Variants in GDPD5 observed in about 807,000 individuals in gnomAD.
GDPD5 encodes the protein glycerophosphodiester phosphodiesterase domain containing 5, also known as glycerophosphodiester phosphodiesterase 2.
Under a neutral mutation model 75.1 loss-of-function variants are expected in GDPD5, and 48 were observed. That is an observed-to-expected ratio of 0.64 (90% CI 0.51 to 0.81). The LOEUF (loss-of-function observed/expected upper bound fraction) is 0.81, where lower values mean the gene tolerates loss of function less well. Ranked by LOEUF, GDPD5 falls within the 40% of genes least tolerant of loss-of-function variation. The pLI is 0.00. For synonymous variants in GDPD5, 336 were observed against 339.0 expected (o/e 0.99, Z 0.10); for missense variants, 706 against 822.6 (o/e 0.86, Z 1.73).
chr11:75,510,361 C>G (rs1240130778), intron 1 of GDPD5, among the ~76,000 whole-genome samples: 1 of 152,228 alleles, frequency 6.6e-6, no homozygotes, highest in African/African-American at 2.4e-5. Context: ...AGAGTCCAGC[C>G]AGTCCACAAA....
intron 1 of GDPD5, among the ~76,000 whole-genome samples, chr11:75,520,546 C>G (rs1288507587): frequency 2.6e-5 from 4 of 152,118 alleles, no homozygotes; most frequent in Non-Finnish European, 4.4e-5. Context: ...GCAGACCAAG[C>G]AGAACCCCAA....
At chr11:75,453,527 A>T (rs1475998737) in intron 6 of GDPD5, among the ~76,000 whole-genome samples, 1 of 151,872 alleles carries the variant, frequency 6.6e-6, no homozygotes, top group Non-Finnish European at 1.5e-5. Flanking sequence ...CTGAGGCAGG[A>T]GAATGGGGTG....
intron 1 of GDPD5, among the ~76,000 whole-genome samples, chr11:75,499,142 T>C (rs1384249184): frequency 6.6e-6 from 1 of 152,156 alleles, no homozygotes; most frequent in Non-Finnish European, 1.5e-5. Flanking sequence ...GTGCCATCAA[T>C]GCTTCCATTT....
Position 75,443,206 on chromosome 11 carries a change from G to A in GDPD5, c.878C>T (p.Ala293Val), listed in dbSNP as rs199987196. ...TNVEEEFPEL[A>V]RRPASMLNWT... Reference sequence around the variant, plus strand: ...GTTAAGCATGGAGGCAGGCCTGCGGGCCAGCTCCGGGAACTCCTCCTCCAC... The same window carrying A: ...GTTAAGCATGGAGGCAGGCCTGCGGACCAGCTCCGGGAACTCCTCCTCCAC... The change falls in exon 11 of 17, where the codon GCC becomes GTC. Residue 293 changes from alanine (A) to valine (V), a missense_variant. By Grantham distance (64) the Ala-to-Val change is moderately conservative. Coordinates refer to ENST00000336898, the MANE Select transcript of GDPD5 (RefSeq NM_030792.8). 6.6e-4 allele frequency: 1,061 copies of A among 1,605,124 alleles called. 1 individual carries two copies. The highest frequency in any genetic ancestry group is 8.6e-4 in the Non-Finnish European group (1,008 of 1,176,598).
chr11:75,519,443 T>C (rs974665004), intron 1 of GDPD5, among the ~76,000 whole-genome samples: 1 of 152,228 alleles, frequency 6.6e-6, no homozygotes, highest in Non-Finnish European at 1.5e-5. Context: ...ACGGAGCAGC[T>C]GCCCTTTGCC....
At chr11:75,492,031 C>T (rs1456297395) in intron 1 of GDPD5, among the ~76,000 whole-genome samples, 1 of 152,214 alleles carries the variant, frequency 6.6e-6, no homozygotes, top group Non-Finnish European at 1.5e-5. Context: ...CCTTCCACCA[C>T]ACCTTACTGC....
At chr11:75,491,024 C>T (rs139171695) in intron 1 of GDPD5, among the ~76,000 whole-genome samples, 165 of 152,316 alleles carry the variant, frequency 1.1e-3, no homozygotes, top group Non-Finnish European at 1.6e-3. Context: ...GGACGGAGGC[C>T]TACCTACATC....
chr11:75,483,838 G>C (rs1191761496), intron 2 of GDPD5, among the ~76,000 whole-genome samples: 2 of 152,204 alleles, frequency 1.3e-5, no homozygotes, highest in Non-Finnish European at 2.9e-5. Context: ...TGGGAGGATT[G>C]GGGAGGAAAG....
chr11:75,453,330 T>C (rs1949212133), intron 6 of GDPD5, among the ~76,000 whole-genome samples: 1 of 152,108 alleles, frequency 6.6e-6, no homozygotes, highest in Admixed American at 6.5e-5. Flanking sequence ...GATTAAAACA[T>C]ACTATAGGCC....
In GDPD5 at chr11:75,445,795, A is replaced by G. The variant is rs1163149125; in HGVS notation, c.715-1300T>C. ...CTTTGGAACGGACTAAAAAGGTGCA[A>G]TTTCACTTCCCAGACACAGAGCTGG... On this transcript the variant is annotated intron_variant, in intron 9 of 16. Transcript: ENST00000336898. 2.6e-5 allele frequency among the ~76,000 whole-genome samples: 4 copies of G among 152,148 alleles called. No individual in the cohort carries two copies. In the East Asian group the frequency reaches 7.7e-4, roughly 29 times the overall value.
intron 1 of GDPD5, among the ~76,000 whole-genome samples, chr11:75,506,314 G>T (rs1950398380): frequency 6.6e-6 from 1 of 152,170 alleles, no homozygotes; most frequent in Non-Finnish European, 1.5e-5. Context: ...CAGGGAGGAA[G>T]AAGGAGGAGG....
intron 1 of GDPD5, among the ~76,000 whole-genome samples, chr11:75,493,347 T>G (rs1240729300): frequency 6.7e-6 from 1 of 149,916 alleles, no homozygotes; most frequent in Non-Finnish European, 1.5e-5. Flanking sequence ...TCCTAACACC[T>G]CTAAGGCCCT....
intron 6 of GDPD5, chr11:75,455,476 GGCCTCGGT>G (rs1949266040): frequency 7.2e-6 from 3 of 416,618 alleles, no homozygotes; most frequent in South Asian, 3.4e-5. Context: ...GTAACAAACC[GGCCTCGGT>G]GCCTCCCTGG....
chr11:75,496,358 G>A (rs543581792), intron 1 of GDPD5, among the ~76,000 whole-genome samples: 3 of 152,356 alleles, frequency 2.0e-5, no homozygotes, highest in East Asian at 1.9e-4. Context: ...TAGAGAGCAG[G>A]AAGCAAGTTG....
intron 6 of GDPD5, chr11:75,450,933 A>G (rs918254376): frequency 6.6e-6 from 1 of 152,064 alleles, no homozygotes; most frequent in African/African-American, 2.4e-5. Flanking sequence ...CTCGTCTCCC[A>G]TCTCCCTCCA....
At position 75,449,538 on chromosome 11, in the gene GDPD5, A is replaced by T; in HGVS notation, c.547T>A (p.Phe183Ile). The T allele has an allele frequency of 1.3e-6, 2 of 1,581,436 alleles. No individual in the cohort carries two copies. Among genetic ancestry groups the T allele is most frequent in the Non-Finnish European group, 8.6e-7 (1 of 1,164,288 alleles). Residue 183 changes from phenylalanine (F) to isoleucine (I), a missense_variant, in exon 8 of 17, where the codon TTC becomes ATC. Physicochemically the swap from Phe to Ile is conservative, Grantham distance 21 (BLOSUM62 0). Transcript: ENST00000336898. Reference sequence around the variant, plus strand: ...TCACAGGTCCGCTCTGCGCGGGCGAACTGTCCTGCCACGATCCAGGAGAGC... The same window carrying T: ...TCACAGGTCCGCTCTGCGCGGGCGATCTGTCCTGCCACGATCCAGGAGAGC... ...TMLSWIVAGQ[F>I]ARAERTSSQV...
rs374805727 is a variant in GDPD5 at position 75,477,757 on chromosome 11, G to C, written c.-22C>G. 6.6e-7 allele frequency: 1 copy of C among 1,518,380 alleles called. No individual in the cohort carries two copies. The allele number at this position is 1,518,380 out of a possible 1,614,324, so 94.1% of individuals were successfully genotyped here. ...CCATACTCGTGCCCACGGCCCTGGC[G>C]CCTGGCCCTCAGGCGCCCATGGAGG... On this transcript the variant is annotated 5_prime_UTR_variant, in exon 3 of 17. Transcript: ENST00000336898.
chr11:75,435,253 GC>G lies in GDPD5; in HGVS notation c.*253del, dbSNP rs1948594920. On this transcript the variant is annotated 3_prime_UTR_variant, in exon 17 of 17. Coordinates refer to ENST00000336898, the MANE Select transcript of GDPD5 (RefSeq NM_030792.8). The stretch of plus-strand genomic sequence containing the variant: ...GAGGGCCTCAGAAGAGGGGGACCAA[GC>G]CCTAGGCCCCATACTTCCCAGAAGG... The G allele has an allele frequency of 5.5e-5, 23 of 419,660 alleles. No homozygotes were observed. The East Asian group carries it at 8.4e-4, about 15-fold the overall frequency. The allele number at this position is 419,660 out of a possible 1,614,324, so 26.0% of individuals were successfully genotyped here.
At chr11:75,453,954 C>T (rs1374625989) in intron 6 of GDPD5, among the ~76,000 whole-genome samples, 2 of 152,128 alleles carry the variant, frequency 1.3e-5, no homozygotes, top group Non-Finnish European at 2.9e-5. Flanking sequence ...TTTTTATAAT[C>T]TTGGAGTGGG....
Sources: allele counts gnomAD v4.1 joint callset (sites outside exome capture counted in the v4.1 genomes callset), GRCh38; gene constraint gnomAD v4.1.1; transcripts MANE v1.5; gene names NCBI Gene and HGNC (gene_info 2026-07-23, HGNC 2026-07-21).